Variants in CRTC1 observed in about 807,000 individuals in gnomAD.
CRTC1 encodes CREB-regulated transcription coactivator 1.
Under a neutral mutation model 66.1 loss-of-function variants are expected in CRTC1, and 18 were observed. That is an observed-to-expected ratio of 0.27 (90% CI 0.19 to 0.40). CRTC1 has a LOEUF of 0.40. CRTC1 is among the 10% of genes least tolerant of loss of function. The pLI is 1.00. For missense variants in CRTC1, 669 were observed against 887.9 expected (o/e 0.75, Z 3.13); for synonymous variants, 416 against 398.8 (o/e 1.04, Z -0.51).
chr19:18,703,818 G>C (rs973339107), intron 1 of CRTC1, among the ~76,000 whole-genome samples: 2 of 152,036 alleles, frequency 1.3e-5, no homozygotes, highest in African/African-American at 4.8e-5. Flanking sequence ...GGCTGGTCTC[G>C]AACTCCTGAC....
intron 1 of CRTC1, among the ~76,000 whole-genome samples, chr19:18,724,926 C>T (rs2053712316): frequency 6.6e-6 from 1 of 151,826 alleles, no homozygotes; most frequent in Admixed American, 6.6e-5. Flanking sequence ...TGCCTCTCAC[C>T]CTCTTGGTTG....
intron 6 of CRTC1, among the ~76,000 whole-genome samples, chr19:18,756,344 A>AAC (rs1000464088): frequency 5.3e-5 from 8 of 150,532 alleles, no homozygotes; most frequent in African/African-American, 1.7e-4. Flanking sequence ...CAAAAAAAAA[A>AAC]AAAAAAAAAA....
Position 18,782,145 on chromosome 19 carries a change from C to G in CRTC1, c.*4763C>G, listed in dbSNP as rs901635439. The G allele has an allele frequency of 4.4e-6, 1 of 226,132 alleles. No homozygotes were observed. The highest frequency in any genetic ancestry group is 2.2e-5 in the African/African-American group (1 of 44,800). The allele number at this position is 226,132 out of a possible 1,614,324, so 14.0% of individuals were successfully genotyped here. On this transcript the variant is annotated 3_prime_UTR_variant, in exon 14 of 14. Coordinates refer to ENST00000321949, the MANE Select transcript of CRTC1 (RefSeq NM_015321.3). ...CTCTGTGCCCAGGCTGGCTCTCCCC[C>G]AACCCTAGCATGTATACTCTGCCAC...
At chr19:18,692,456 C>T (rs2052865418) in intron 1 of CRTC1, among the ~76,000 whole-genome samples, 1 of 152,142 alleles carries the variant, frequency 6.6e-6, no homozygotes, top group Admixed American at 6.6e-5. Flanking sequence ...CAAAAATTAG[C>T]TGGGCATGGT....
intron 2 of CRTC1, 62 bp downstream of exon 2, chr19:18,743,088 G>C: frequency 7.7e-7 from 1 of 1,302,214 alleles, no homozygotes; most frequent in Non-Finnish European, 1.1e-6. Context: ...CTCCCACTGG[G>C]GGCCAGACAT....
At chr19:18,773,631 C>T (rs997066943) in intron 11 of CRTC1, among the ~76,000 whole-genome samples, 16 of 152,194 alleles carry the variant, frequency 1.1e-4, no homozygotes, top group African/African-American at 1.9e-4. Context: ...CAAACCAAGC[C>T]GCAAGCTTGC....
At chr19:18,715,906 C>T (rs1463468191) in intron 1 of CRTC1, among the ~76,000 whole-genome samples, 1 of 152,204 alleles carries the variant, frequency 6.6e-6, no homozygotes, top group Non-Finnish European at 1.5e-5. Context: ...CCTGCCACTG[C>T]TTGTGGTTGG....
intron 1 of CRTC1, among the ~76,000 whole-genome samples, chr19:18,716,131 C>A (rs1353407862): frequency 1.3e-5 from 2 of 152,128 alleles, no homozygotes; most frequent in Non-Finnish European, 2.9e-5. Flanking sequence ...GTGCCCCGCC[C>A]TGGGGACCCT....
At position 18,781,008 on chromosome 19, in the gene CRTC1, G is replaced by A. The variant is rs2055091785; in HGVS notation, c.*3626G>A. 1 of 225,868 alleles carries A rather than the reference G, an allele frequency of 4.4e-6. No homozygotes were observed. Among genetic ancestry groups the A allele is most frequent in the Admixed American group, 5.7e-5 (1 of 17,510 alleles). 14.0% of individuals were successfully genotyped at this position (225,868 alleles called of 1,614,324 possible). A position where few individuals can be genotyped will look rare whatever the true frequency, so the allele number is the denominator to read the frequency against. ...GACCAGGGAGAGGCTGGTGGAGTAA[G>A]GTCCAGCGGTATTCGGGGGTCCTCT... On this transcript the variant is annotated 3_prime_UTR_variant, in exon 14 of 14. Transcript: ENST00000321949.
rs952684851 is a variant in CRTC1 at position 18,761,348 on chromosome 19, C to T, written c.886+1120C>T. ...CCTGGCTTCCAAGGAGGAGAAATGG[C>T]GTGGCCCCAACTAGTCCTGGGGGGT... On this transcript the variant is annotated intron_variant, in intron 8 of 13. Coordinates refer to ENST00000321949, the MANE Select transcript of CRTC1 (RefSeq NM_015321.3). Among the ~76,000 whole-genome samples, 5 of 151,714 alleles carry T rather than the reference C, an allele frequency of 3.3e-5. No individual in the cohort carries two copies. The East Asian group carries it at 7.8e-4, about 24-fold the overall frequency.
At chr19:18,717,942 G>T (rs189938654) in intron 1 of CRTC1, among the ~76,000 whole-genome samples, 41 of 152,218 alleles carry the variant, frequency 2.7e-4, no homozygotes, top group African/African-American at 9.4e-4. Context: ...GAAAAAGACA[G>T]CAGGGCCTGG....
chr19:18,747,050 C>T lies in CRTC1; in HGVS notation c.382-3C>T, dbSNP rs749029812. 4.9e-5 allele frequency: 79 copies of T among 1,613,156 alleles called. No individual in the cohort carries two copies. The highest frequency in any genetic ancestry group is 1.6e-4 in the Middle Eastern group (1 of 6,070). ...GTGGCACTGCCCCCTTAACTCACCT[C>T]ACGCCGACAGCTGCCCCTATGGCAC... On this transcript the variant is annotated splice_region_variant and splice_polypyrimidine_tract_variant and intron_variant, in intron 3 of 13. Coordinates refer to ENST00000321949, the MANE Select transcript of CRTC1 (RefSeq NM_015321.3).
rs761525568 is a variant in CRTC1 at position 18,768,564 on chromosome 19, C to T, written c.1091C>T (p.Pro364Leu). 13 of 1,599,418 alleles carry T rather than the reference C, an allele frequency of 8.1e-6. No homozygotes were observed. Among genetic ancestry groups the T allele is most frequent in the Admixed American group, 1.7e-5 (1 of 58,882 alleles). ...FFTQAGSQQPPPQPQPPPPPP... is the reference protein window; with the variant it reads ...FFTQAGSQQPLPQPQPPPPPP... ...ACCCAGGCGGGCTCCCAGCAGCCAC[C>T]GCCGCAGCCCCAGCCCCCGCCGCCT... The change falls in exon 10 of 14, where the codon CCG (proline) becomes CTG (leucine). Residue 364 changes from proline (P) to leucine (L), a missense_variant. By Grantham distance (98) the Pro-to-Leu change is moderately conservative (BLOSUM62 -3). Coordinates refer to ENST00000321949, the MANE Select transcript of CRTC1 (RefSeq NM_015321.3). The surrounding 1 kb of genome is among the most constrained non-coding windows in gnomAD (Gnocchi z 5.6).
At position 18,738,864 on chromosome 19, in the gene CRTC1, T is replaced by G. The variant is rs530731512; in HGVS notation, c.127-4046T>G. On this transcript the variant is annotated intron_variant, in intron 1 of 13. Transcript: ENST00000321949. ...TGCGATTGTGACTTGGGGGGCTGCT[T>G]CTTGAGCAGGGGTGTTGGGGATGCC... Among the ~76,000 whole-genome samples, 4 of 152,274 alleles carry G rather than the reference T, an allele frequency of 2.6e-5. No individual in the cohort carries two copies. In the South Asian group the frequency reaches 6.2e-4, roughly 24 times the overall value.
chr19:18,759,467 G>A, intron 6 of CRTC1, 84 bp from the exon 7 acceptor site: 1 of 1,389,150 alleles, frequency 7.2e-7, no homozygotes, highest in Non-Finnish European at 1.0e-6. Flanking sequence ...GGGAAGATCA[G>A]CCGTTTCAAG....
At chr19:18,730,879 C>T (rs952618549) in intron 1 of CRTC1, among the ~76,000 whole-genome samples, 1 of 152,162 alleles carries the variant, frequency 6.6e-6, no homozygotes, top group African/African-American at 2.4e-5. Context: ...TTAGTTGAGT[C>T]CCATGTCCAG....
At chr19:18,706,945 T>G in intron 1 of CRTC1, among the ~76,000 whole-genome samples, 1 of 152,208 alleles carries the variant, frequency 6.6e-6, no homozygotes, top group East Asian at 1.9e-4. Flanking sequence ...TCCCTTATCA[T>G]CTATATGATT....
At position 18,778,548 on chromosome 19, in the gene CRTC1, A is replaced by G. The variant is rs1601035704; in HGVS notation, c.*1166A>G. 1 of 231,036 alleles carries G rather than the reference A, an allele frequency of 4.3e-6. No individual in the cohort carries two copies. The highest frequency in any genetic ancestry group is 6.1e-5 in the East Asian group (1 of 16,314). The allele number at this position is 231,036 out of a possible 1,614,324, so 14.3% of individuals were successfully genotyped here. On this transcript the variant is annotated 3_prime_UTR_variant, in exon 14 of 14. Transcript: ENST00000321949. ...TGGTCAGGCTGGGCAGGGCCTTGTC[A>G]GGAGCTCACGGTAGGCAGAGGTGCC...
chr19:18,750,442 T>C (rs1188408108), intron 5 of CRTC1, among the ~76,000 whole-genome samples: 1 of 152,228 alleles, frequency 6.6e-6, no homozygotes, highest in African/African-American at 2.4e-5. Flanking sequence ...GGGACAGATC[T>C]GTACCCAGGT....
Sources: gnomAD v4.1 joint callset for allele counts (sites outside exome capture counted in the v4.1 genomes callset) on GRCh38, gnomAD v4.1.1 for gene constraint, Gnocchi (gnomAD v3.1) non-coding constraint, MANE v1.5 for transcripts, NCBI Gene and HGNC (gene_info 2026-07-23, HGNC 2026-07-21) for gene names.